Variants in BECN2 observed in about 807,000 individuals in gnomAD.
BECN2 encodes beclin 2.
For missense variants in BECN2, 428 were observed against 507.9 expected (o/e 0.84, Z 1.51); for synonymous variants, 173 against 220.1 (o/e 0.79, Z 1.90).
Position 241,958,431 on chromosome 1 carries a change from A to G in BECN2, c.665A>G (p.Gln222Arg). ...YRDYSALKRQ[Q>R]LELLDQLGNV... is the part of the protein sequence containing the mutation. ...GACTACAGTGCCTTGAAGCGGCAGC[A>G]GCTGGAACTGCTTGATCAGCTGGGG... Residue 222 changes from glutamine to arginine, a missense_variant, in exon 1 of 1, where the codon CAG becomes CGG. Coordinates refer to ENST00000419583, the MANE Select transcript of BECN2 (RefSeq NM_001290693.1). The G allele has an allele frequency of 8.1e-7, 1 of 1,231,926 alleles. No individual in the cohort carries two copies. The highest frequency in any genetic ancestry group is 1.0e-6 in the Non-Finnish European group (1 of 988,090). The allele number at this position is 1,231,926 out of a possible 1,614,324, so 76.3% of individuals were successfully genotyped here.
chr1:241,958,815 CGA>C, the BECN2 span: 1 of 1,231,776 alleles, frequency 8.1e-7, no homozygotes, highest in South Asian at 4.1e-5. Context: ...TATGACCGCG[CGA>C]TGGTGGCCTT....
At position 241,958,307 on chromosome 1, in the gene BECN2, G is replaced by A. The variant is rs1664461832; in HGVS notation, c.541G>A (p.Glu181Lys). ...GGAGGCCAGGCTGGTGCAGGAGCTG[G>A]AGGATGTGGACAGGAACAATGCAAG... ...LEEARLVQEL[E>K]DVDRNNARAA... Residue 181 changes from glutamate to lysine, a missense_variant, in exon 1 of 1, where the codon GAG (glutamate) becomes AAG (lysine). Transcript: ENST00000419583. The A allele has an allele frequency of 1.6e-6, 2 of 1,233,760 alleles. No individual in the cohort carries two copies. The highest frequency in any genetic ancestry group is 3.1e-5 in the East Asian group (1 of 31,754). The allele number at this position is 1,233,760 out of a possible 1,614,324, so 76.4% of individuals were successfully genotyped here.
rs745668594 is a variant in BECN2 at position 241,958,735 on chromosome 1, T to C, written c.969T>C (p.Ser323=). Residue 323 remains serine, a synonymous_variant, in exon 1 of 1, where the codon TCT becomes TCC. Coordinates refer to ENST00000419583, the MANE Select transcript of BECN2 (RefSeq NM_001290693.1). ...IPCGNHSYLK[S]LTDDRTELPL... ...GCGGAAACCATTCGTATCTGAAGTC[T>C]TTAACAGATGACCGCACTGAGCTGC... 65 of 1,231,716 alleles carry C rather than the reference T, an allele frequency of 5.3e-5. No individual in the cohort carries two copies. The highest frequency in any genetic ancestry group is 6.5e-5 in the Non-Finnish European group (64 of 988,046). The allele number at this position is 1,231,716 out of a possible 1,614,324, so 76.3% of individuals were successfully genotyped here.
chr1:241,958,411 C>A, the BECN2 span: 2 of 1,232,108 alleles, frequency 1.6e-6, no homozygotes, highest in Non-Finnish European at 1.0e-6. Flanking sequence ...ACAGGGACTA[C>A]AGTGCCTTGA....
At position 241,958,779 on chromosome 1, in the gene BECN2, G is replaced by A; in HGVS notation, c.1013G>A (p.Gly338Glu). The change falls in exon 1 of 1, where the codon GGG (glycine) becomes GAG (glutamate). Residue 338 changes from glycine to glutamate, a missense_variant. Gly to Glu is a moderately conservative substitution (Grantham distance 98). Coordinates refer to ENST00000419583, the MANE Select transcript of BECN2 (RefSeq NM_001290693.1). ...GAGCTGCCGTTGTTCTGTTATGGGG[G>A]GCAGGATGTTTTCCTCAATAACAAG... ...RTELPLFCYGGQDVFLNNKYD... is the reference protein window; with the variant it reads ...RTELPLFCYGEQDVFLNNKYD... The A allele has an allele frequency of 4.1e-6, 5 of 1,231,786 alleles. No homozygotes were observed. The highest frequency in any genetic ancestry group is 5.1e-6 in the Non-Finnish European group (5 of 988,056). 76.3% of individuals were successfully genotyped at this position (1,231,786 alleles called of 1,614,324 possible). A position where few individuals can be genotyped will look rare whatever the true frequency, so the allele number is the denominator to read the frequency against.
chr1:241,958,886 C>T lies in BECN2; in HGVS notation c.1120C>T (p.Leu374=). 4.9e-6 allele frequency: 6 copies of T among 1,231,868 alleles called. No homozygotes were observed. The highest frequency in any genetic ancestry group is 6.1e-6 in the Non-Finnish European group (6 of 988,104). 76.3% of individuals were successfully genotyped at this position (1,231,868 alleles called of 1,614,324 possible). ...EAEKGELGLS[L]PYGIQVETGL... ...TGAGAAGGGTGAGCTGGGCCTCTCTCTGCCCTACGGGATCCAGGTGGAGAC... is the reference window on the plus strand; with the variant it reads ...TGAGAAGGGTGAGCTGGGCCTCTCTTTGCCCTACGGGATCCAGGTGGAGAC... The change falls in exon 1 of 1, where the codon CTG becomes TTG. Residue 374 remains leucine (L), a synonymous_variant. Coordinates refer to ENST00000419583, the MANE Select transcript of BECN2 (RefSeq NM_001290693.1).
At position 241,958,601 on chromosome 1, in the gene BECN2, C is replaced by G; in HGVS notation, c.835C>G (p.Arg279Gly). 1.6e-6 allele frequency: 2 copies of G among 1,231,768 alleles called. No homozygotes were observed. Among genetic ancestry groups the G allele is most frequent in the Middle Eastern group, 3.1e-4 (1 of 3,208 alleles). 76.3% of individuals were successfully genotyped at this position (1,231,768 alleles called of 1,614,324 possible). ...NFRLGRLPTV[R>G]VGWNEINTAW... is the part of the protein sequence containing the mutation. The stretch of plus-strand genomic sequence containing the variant: ...CAGGTTGGGCCGCCTCCCCACTGTC[C>G]GTGTGGGCTGGAATGAGATTAACAC... The change falls in exon 1 of 1, where the codon CGT (arginine) becomes GGT (glycine). Residue 279 changes from arginine (R) to glycine (G), a missense_variant. Physicochemically the swap from Arg to Gly is moderately radical, Grantham distance 125. Transcript: ENST00000419583.
chr1:241,958,123 A>G lies in BECN2; in HGVS notation c.357A>G (p.Glu119=). 1 of 1,231,984 alleles carries G rather than the reference A, an allele frequency of 8.1e-7. No individual in the cohort carries two copies. Among genetic ancestry groups the G allele is most frequent in the Non-Finnish European group, 1.0e-6 (1 of 988,100 alleles). The allele number at this position is 1,231,984 out of a possible 1,614,324, so 76.3% of individuals were successfully genotyped here. A position where few individuals can be genotyped will look rare whatever the true frequency, so the allele number is the denominator to read the frequency against. Residue 119 remains glutamate (E), a synonymous_variant, in exon 1 of 1, where the codon GAA becomes GAG. Coordinates refer to ENST00000419583, the MANE Select transcript of BECN2 (RefSeq NM_001290693.1). ...GQAVVDHPLC[E]ECTDSLLEQL... is the part of the protein sequence containing the mutation. ...CAGTTGTGGACCATCCCCTGTGTGA[A>G]GAATGCACCGACAGTCTTTTAGAGC...
In BECN2 at chr1:241,958,420, G is replaced by A; in HGVS notation, c.654G>A (p.Leu218=). The change falls in exon 1 of 1, where the codon TTG becomes TTA. Residue 218 remains leucine (L), a synonymous_variant. Coordinates refer to ENST00000419583, the MANE Select transcript of BECN2 (RefSeq NM_001290693.1). ...AGCACTACAGGGACTACAGTGCCTT[G>A]AAGCGGCAGCAGCTGGAACTGCTTG... The part of the protein sequence containing the change: ...ERQHYRDYSA[L]KRQQLELLDQ... The A allele has an allele frequency of 8.1e-7, 1 of 1,231,958 alleles. No individual in the cohort carries two copies. The highest frequency in any genetic ancestry group is 3.2e-5 in the East Asian group (1 of 31,716). 76.3% of individuals were successfully genotyped at this position (1,231,958 alleles called of 1,614,324 possible). A position where few individuals can be genotyped will look rare whatever the true frequency, so the allele number is the denominator to read the frequency against.
At chr1:241,958,037 C>CCAAGT in the BECN2 span, 2 of 1,232,088 alleles carry the variant, frequency 1.6e-6, no homozygotes, top group Non-Finnish European at 2.0e-6. Flanking sequence ...TGGCGCCATG[C>CCAAGT]ACATGCTCAG....
chr1:241,958,084 A>G lies in BECN2; in HGVS notation c.318A>G (p.Ile106Met), dbSNP rs2148586802. 8.1e-7 allele frequency: 1 copy of G among 1,231,960 alleles called. No homozygotes were observed. Among genetic ancestry groups the G allele is most frequent in the Non-Finnish European group, 1.0e-6 (1 of 988,110 alleles). The allele number at this position is 1,231,960 out of a possible 1,614,324, so 76.3% of individuals were successfully genotyped here. Residue 106 changes from isoleucine to methionine, a missense_variant, in exon 1 of 1, where the codon ATA (isoleucine) becomes ATG (methionine). Ile to Met is a conservative substitution (Grantham distance 10, BLOSUM62 1). Coordinates refer to ENST00000419583, the MANE Select transcript of BECN2 (RefSeq NM_001290693.1). ...AGGCAGCTGGTGACATTTTTGACAT[A>G]GTCTCTGGCCAAGCAGTTGTGGACC... ...IQKAAGDIFD[I>M]VSGQAVVDHP...
chr1:241,958,167 C>T lies in BECN2; in HGVS notation c.401C>T (p.Ala134Val). The change falls in exon 1 of 1, where the codon GCT (alanine) becomes GTT (valine). Residue 134 changes from alanine to valine, a missense_variant. Ala to Val is a moderately conservative substitution (Grantham distance 64). Transcript: ENST00000419583. ...TTAGAGCAGCTGGACATCCAGCTCG[C>T]TCTCACAGAAGCTGACAGTCAGAAC... is the stretch of plus-strand genomic sequence containing the variant. ...SLLEQLDIQLALTEADSQNYQ... is the reference protein window; with the variant it reads ...SLLEQLDIQLVLTEADSQNYQ... 1.6e-6 allele frequency: 2 copies of T among 1,232,148 alleles called. No individual in the cohort carries two copies. The highest frequency in any genetic ancestry group is 2.0e-6 in the Non-Finnish European group (2 of 988,224). The allele number at this position is 1,232,148 out of a possible 1,614,324, so 76.3% of individuals were successfully genotyped here. A position where few individuals can be genotyped will look rare whatever the true frequency, so the allele number is the denominator to read the frequency against.
chr1:241,959,052 A>C lies in BECN2; in HGVS notation c.1286A>C (p.Tyr429Ser). Residue 429 changes from tyrosine to serine, a missense_variant, in exon 1 of 1, where the codon TAT becomes TCT. Tyr to Ser is a moderately radical substitution (Grantham distance 144). Transcript: ENST00000419583. The stretch of plus-strand genomic sequence containing the variant: ...AGTCTCATCTGGGTTGCCTCAAGGT[A>C]TCAAAAGTAGCTTTCTTGAGTCTTG... ...KWSLIWVASRYQK is the reference protein window; with the variant it reads ...KWSLIWVASRSQK 3 of 1,231,830 alleles carry C rather than the reference A, an allele frequency of 2.4e-6. No individual in the cohort carries two copies. The highest frequency in any genetic ancestry group is 3.0e-6 in the Non-Finnish European group (3 of 988,082). 76.3% of individuals were successfully genotyped at this position (1,231,830 alleles called of 1,614,324 possible).
chr1:241,958,639 G>T lies in BECN2; in HGVS notation c.873G>T (p.Gln291His). The change falls in exon 1 of 1, where the codon CAG (glutamine) becomes CAT (histidine). Residue 291 changes from glutamine to histidine, a missense_variant. By Grantham distance (24) the Gln-to-His change is conservative. Coordinates refer to ENST00000419583, the MANE Select transcript of BECN2 (RefSeq NM_001290693.1). The stretch of plus-strand genomic sequence containing the variant: ...ATGAGATTAACACTGCCTGGGGACA[G>T]GCGGCCTTGCTGCTCCTTACCCTGG... ...GWNEINTAWGQAALLLLTLAN... is the reference protein window; with the variant it reads ...GWNEINTAWGHAALLLLTLAN... 12 of 1,231,844 alleles carry T rather than the reference G, an allele frequency of 9.7e-6. No individual in the cohort carries two copies. The highest frequency in any genetic ancestry group is 1.2e-5 in the Non-Finnish European group (12 of 988,030). 76.3% of individuals were successfully genotyped at this position (1,231,844 alleles called of 1,614,324 possible).
chr1:241,957,828 C>G lies in BECN2; in HGVS notation c.62C>G (p.Ser21Trp). ...CAGGCCCTGAAGCTGAGCGGCTCCT[C>G]GGAGTCTAGGAGCCTCCCTGCAGCC... ...CHQALKLSGS[S>W]ESRSLPAAPA... The change falls in exon 1 of 1, where the codon TCG (serine) becomes TGG (tryptophan). Residue 21 changes from serine to tryptophan, a missense_variant. Ser to Trp is a radical substitution (Grantham distance 177, BLOSUM62 -3). Transcript: ENST00000419583. The G allele has an allele frequency of 1.6e-6, 2 of 1,231,816 alleles. No homozygotes were observed. Among genetic ancestry groups the G allele is most frequent in the East Asian group, 3.2e-5 (1 of 31,688 alleles). The allele number at this position is 1,231,816 out of a possible 1,614,324, so 76.3% of individuals were successfully genotyped here. A position where few individuals can be genotyped will look rare whatever the true frequency, so the allele number is the denominator to read the frequency against.
Position 241,958,761 on chromosome 1 carries a change from C to A in BECN2, c.995C>A (p.Pro332Gln). Residue 332 changes from proline to glutamine, a missense_variant, in exon 1 of 1, where the codon CCG (proline) becomes CAG (glutamine). Coordinates refer to ENST00000419583, the MANE Select transcript of BECN2 (RefSeq NM_001290693.1). ...KSLTDDRTELPLFCYGGQDVF... is the reference protein window; with the variant it reads ...KSLTDDRTELQLFCYGGQDVF... Reference sequence around the variant, plus strand: ...TTAACAGATGACCGCACTGAGCTGCCGTTGTTCTGTTATGGGGGGCAGGAT... The same window carrying A: ...TTAACAGATGACCGCACTGAGCTGCAGTTGTTCTGTTATGGGGGGCAGGAT... 1.6e-6 allele frequency: 2 copies of A among 1,231,732 alleles called. No homozygotes were observed. Among genetic ancestry groups the A allele is most frequent in the Non-Finnish European group, 2.0e-6 (2 of 988,028 alleles). The allele number at this position is 1,231,732 out of a possible 1,614,324, so 76.3% of individuals were successfully genotyped here. A position where few individuals can be genotyped will look rare whatever the true frequency, so the allele number is the denominator to read the frequency against.
rs1324475508 is a variant in BECN2, at chr1:241,958,707, C to G, written c.941C>G (p.Pro314Arg). The change falls in exon 1 of 1, where the codon CCC (proline) becomes CGC (arginine). Residue 314 changes from proline (P) to arginine (R), a missense_variant. Pro to Arg is a moderately radical substitution (Grantham distance 103). Transcript: ENST00000419583. Reference protein sequence around the residue: ...GLQFQRYRLIPCGNHSYLKSL... With the variant: ...GLQFQRYRLIRCGNHSYLKSL... ...CAGTTTCAGAGGTATCGACTCATCC[C>G]CTGCGGAAACCATTCGTATCTGAAG... 1.6e-6 allele frequency: 2 copies of G among 1,231,804 alleles called. No individual in the cohort carries two copies. Among genetic ancestry groups the G allele is most frequent in the East Asian group, 6.3e-5 (2 of 31,708 alleles). 76.3% of individuals were successfully genotyped at this position (1,231,804 alleles called of 1,614,324 possible).
In BECN2 at chr1:241,957,863, A is replaced by C; in HGVS notation, c.97A>C (p.Thr33Pro). 1 of 1,231,624 alleles carries C rather than the reference A, an allele frequency of 8.1e-7. No individual in the cohort carries two copies. The highest frequency in any genetic ancestry group is 1.0e-6 in the Non-Finnish European group (1 of 987,988). 76.3% of individuals were successfully genotyped at this position (1,231,624 alleles called of 1,614,324 possible). ...GAGCCTCCCTGCAGCCCCGGCGCCC[A>C]CCTCTGGGCAGGCTGAGCCCGGAGA... The part of the protein sequence containing the change: ...SRSLPAAPAP[T>P]SGQAEPGDTR... The change falls in exon 1 of 1, where the codon ACC becomes CCC. Residue 33 changes from threonine to proline, a missense_variant. By Grantham distance (38) the Thr-to-Pro change is conservative. Coordinates refer to ENST00000419583, the MANE Select transcript of BECN2 (RefSeq NM_001290693.1).
Position 241,958,927 on chromosome 1 carries a change from C to A in BECN2, c.1161C>A (p.Asp387Glu). Reference sequence around the variant, plus strand: ...AGGTGGAGACAGGCCTGATGGAGGACGTTGGCGGCCGAGGGGAATGCTATT... The same window carrying A: ...AGGTGGAGACAGGCCTGATGGAGGAAGTTGGCGGCCGAGGGGAATGCTATT... ...GIQVETGLME[D>E]VGGRGECYSI... is the part of the protein sequence containing the mutation. Residue 387 changes from aspartate to glutamate, a missense_variant, in exon 1 of 1, where the codon GAC becomes GAA. Asp to Glu is a conservative substitution (Grantham distance 45). Coordinates refer to ENST00000419583, the MANE Select transcript of BECN2 (RefSeq NM_001290693.1). 1 of 1,231,808 alleles carries A rather than the reference C, an allele frequency of 8.1e-7. No homozygotes were observed. 76.3% of individuals were successfully genotyped at this position (1,231,808 alleles called of 1,614,324 possible).
Sources: gnomAD v4.1 joint callset for allele counts on GRCh38, gnomAD v4.1.1 for gene constraint, MANE v1.5 for transcripts, NCBI Gene and HGNC (gene_info 2026-07-23, HGNC 2026-07-21) for gene names.